CYP46A1: variants seen among roughly 807,000 people sequenced by gnomAD.
CYP46A1 encodes the protein cholesterol 24-hydroxylase.
Under a neutral mutation model 63.3 loss-of-function variants are expected in CYP46A1, and 20 were observed. The observed-to-expected ratio is 0.32, with a 90% CI of 0.22 to 0.46. CYP46A1 has a LOEUF of 0.46. Ranked by LOEUF, CYP46A1 falls within the 20% of genes least tolerant of loss-of-function variation. The pLI is 1.00. For missense variants in CYP46A1, 445 were observed against 670.8 expected (o/e 0.66, Z 3.72); for synonymous variants, 268 against 273.6 (o/e 0.98, Z 0.20).
chr14:99,715,226 A>G (rs11628052), intron 7 of CYP46A1, among the ~76,000 whole-genome samples: 72,390 of 152,090 alleles, frequency 0.48, 17,436 homozygotes, highest in Admixed American at 0.53. Context: ...CATTGTATTC[A>G]TGTATCAAAA....
intron 1 of CYP46A1, among the ~76,000 whole-genome samples, chr14:99,687,320 C>G (rs567127689): frequency 6.6e-6 from 1 of 152,338 alleles, no homozygotes; most frequent in East Asian, 1.9e-4. Context: ...AATGAAAGGT[C>G]TTTCTCTCCC....
At chr14:99,721,152 C>A (rs1223874297) in intron 10 of CYP46A1, 87 bp from the exon 11 acceptor site, 2 of 923,178 alleles carry the variant, frequency 2.2e-6, no homozygotes, top group Non-Finnish European at 1.8e-6. Flanking sequence ...TCTCTTCACG[C>A]TTCCTTCCAG....
intron 3 of CYP46A1, among the ~76,000 whole-genome samples, chr14:99,696,371 TC>T (rs561183948): frequency 7.2e-4 from 109 of 152,224 alleles, no homozygotes; most frequent in African/African-American, 2.4e-3. Context: ...TCCTCCCACC[TC>T]AGCCTCCTGA....
At chr14:99,687,562 C>A (rs917109723) in intron 1 of CYP46A1, among the ~76,000 whole-genome samples, 1 of 152,180 alleles carries the variant, frequency 6.6e-6, no homozygotes, top group African/African-American at 2.4e-5. Flanking sequence ...CTCACCCTCA[C>A]GCCTACCCCT....
At chr14:99,695,418 A>G (rs759505793) in intron 3 of CYP46A1, 16 of 430,072 alleles carry the variant, frequency 3.7e-5, no homozygotes, top group Middle Eastern at 3.3e-4. Context: ...AGATTTATCT[A>G]TTTCTACTTT....
At chr14:99,691,644 C>A in intron 2 of CYP46A1, 136 bp from the exon 3 acceptor site, 2 of 789,564 alleles carry the variant, frequency 2.5e-6, no homozygotes, top group Non-Finnish European at 4.3e-6. Context: ...CTCCTGGGCC[C>A]CAGGACAGCA....
intron 3 of CYP46A1, among the ~76,000 whole-genome samples, chr14:99,692,364 C>T (rs992288031): frequency 3.3e-5 from 5 of 152,202 alleles, no homozygotes; most frequent in African/African-American, 9.7e-5. Context: ...CATGGTGAAA[C>T]CTCATCTCTA....
chr14:99,710,832 A>T (rs1310192703), intron 7 of CYP46A1: 2 of 152,212 alleles, frequency 1.3e-5, no homozygotes, highest in Non-Finnish European at 2.9e-5. Context: ...ATAGACATTT[A>T]CAGAACTTTT....
intron 3 of CYP46A1, among the ~76,000 whole-genome samples, chr14:99,692,157 T>A (rs1324391474): frequency 6.6e-6 from 1 of 152,192 alleles, no homozygotes; most frequent in Non-Finnish European, 1.5e-5. Context: ...TTGCCTCAGT[T>A]CCTTCATCTG....
At chr14:99,687,272 T>C (rs2056502493) in intron 1 of CYP46A1, among the ~76,000 whole-genome samples, 1 of 152,240 alleles carries the variant, frequency 6.6e-6, no homozygotes, top group Non-Finnish European at 1.5e-5. Flanking sequence ...CATCAGCCCC[T>C]ACTCTCCTGG....
chr14:99,710,869 C>T (rs762676529), intron 7 of CYP46A1: 5 of 152,176 alleles, frequency 3.3e-5, no homozygotes, highest in South Asian at 2.1e-4. Flanking sequence ...AACATACATT[C>T]TTCTCATCAG....
chr14:99,724,919 C>T (rs1393558194), intron 12 of CYP46A1, among the ~76,000 whole-genome samples: 2 of 152,214 alleles, frequency 1.3e-5, no homozygotes, highest in Non-Finnish European at 2.9e-5. Flanking sequence ...GTGGGGTCTG[C>T]AGTTCCTCCA....
At chr14:99,707,780 GT>G in intron 7 of CYP46A1, 102 bp downstream of exon 7, 1 of 981,718 alleles carries the variant, frequency 1.0e-6, no homozygotes, top group African/African-American at 1.6e-5. Context: ...CCCAGAATGG[GT>G]TTTGAGTTCT....
At chr14:99,719,392 G>T (rs4905883) in intron 10 of CYP46A1, among the ~76,000 whole-genome samples, 122,081 of 147,590 alleles carry the variant, frequency 0.83, 51,253 homozygotes, top group South Asian at 0.92. Flanking sequence ...TTTTTTTTTT[G>T]TGTATTTTTA....
At chr14:99,719,992 G>A (rs1452193724) in intron 10 of CYP46A1, among the ~76,000 whole-genome samples, 1 of 151,210 alleles carries the variant, frequency 6.6e-6, no homozygotes, top group African/African-American at 2.4e-5. Flanking sequence ...TTGATCTCCT[G>A]ACCTCATGAT....
At chr14:99,697,035 A>G (rs534337384) in intron 3 of CYP46A1, among the ~76,000 whole-genome samples, 2 of 152,308 alleles carry the variant, frequency 1.3e-5, no homozygotes, top group East Asian at 1.9e-4. Flanking sequence ...AGGTTTGTCT[A>G]TTCTGGGTAG....
At chr14:99,704,497 A>G (rs2056658381) in intron 5 of CYP46A1, among the ~76,000 whole-genome samples, 1 of 152,186 alleles carries the variant, frequency 6.6e-6, no homozygotes, top group East Asian at 1.9e-4. Context: ...GTGAGAGTAA[A>G]TTGCTAGTTT....
At chr14:99,718,221 A>C (rs2056810422) in intron 10 of CYP46A1, 95 bp downstream of exon 10, 1 of 1,025,722 alleles carries the variant, frequency 9.7e-7, no homozygotes, top group Admixed American at 1.9e-5. Context: ...GAGTCCCCTC[A>C]ACATGCCCTG....
intron 3 of CYP46A1, among the ~76,000 whole-genome samples, chr14:99,698,850 G>T (rs1193310325): frequency 6.6e-6 from 1 of 152,194 alleles, no homozygotes; most frequent in Non-Finnish European, 1.5e-5. Flanking sequence ...CTCTTGGTGA[G>T]GTAAGTTGAG....
Sources: allele counts gnomAD v4.1 joint callset (sites outside exome capture counted in the v4.1 genomes callset), GRCh38; gene constraint gnomAD v4.1.1; transcripts MANE v1.5; gene names NCBI Gene and HGNC (gene_info 2026-07-23, HGNC 2026-07-21).